ZC3H7A: variants seen among roughly 807,000 people sequenced by gnomAD.
ZC3H7A encodes the protein zinc finger CCCH domain-containing protein 7A.
In ZC3H7A, 44 loss-of-function variants were observed where a neutral mutation model predicts 125.5. That is an observed-to-expected ratio of 0.35 (90% CI 0.28 to 0.45). The LOEUF (loss-of-function observed/expected upper bound fraction) is 0.45, where lower values mean the gene tolerates loss of function less well. Among genes scored for constraint, ZC3H7A ranks in the 20% least tolerant of loss-of-function variants. The pLI, the probability that ZC3H7A is intolerant of heterozygous loss-of-function variation, is 1.00. For synonymous variants in ZC3H7A, 399 were observed against 391.2 expected (o/e 1.02, Z -0.23); for missense variants, 977 against 1,170.7 (o/e 0.83, Z 2.41).
At chr16:11,760,631 C>T (rs1042757657) in intron 19 of ZC3H7A, among the ~76,000 whole-genome samples, 7 of 152,296 alleles carry the variant, frequency 4.6e-5, no homozygotes, top group African/African-American at 1.2e-4. Flanking sequence ...CAAAAGGTTC[C>T]CTCCACATTT....
In ZC3H7A at chr16:11,788,848, G is replaced by A. The variant is rs142247673; in HGVS notation, c.-34-6460C>T. Among the ~76,000 whole-genome samples, 869 of 152,090 alleles carry A rather than the reference G, an allele frequency of 5.7e-3. 8 individuals carry two copies. The highest frequency in any genetic ancestry group is 0.02 in the African/African-American group (822 of 41,510). ...AGGCTGGTCTCGAACTCCTGACCTC[G>A]TGATCTGCCTGCCTCAGCCTCCCAA... On this transcript the variant is annotated intron_variant, in intron 1 of 22. Transcript: ENST00000355758.
At chr16:11,791,043 G>C (rs551451405) in intron 1 of ZC3H7A, among the ~76,000 whole-genome samples, 7 of 151,238 alleles carry the variant, frequency 4.6e-5, no homozygotes, top group African/African-American at 1.7e-4. Flanking sequence ...CTGCACTCCA[G>C]CCTGGGGTAC....
chr16:11,774,459 GA>G lies in ZC3H7A; in HGVS notation c.679del (p.Ser227LeufsTer16). The G allele has an allele frequency of 6.3e-7, 1 of 1,589,444 alleles. No individual in the cohort carries two copies. Among genetic ancestry groups the G allele is most frequent in the Non-Finnish European group, 8.6e-7 (1 of 1,165,496 alleles). ...GGCCAGCTCACTTCCAACTTCATGA[GA>G]AAAACTGGGTGCCGGTAAAGAGACA... The part of the protein sequence containing the change: ...PVVSLPAPSF[S>X]HEVGSELASV... On this transcript the variant is annotated frameshift_variant, in exon 9 of 23. Transcript: ENST00000355758. LOFTEE classifies it high-confidence loss of function.
At chr16:11,784,179 C>A (rs1006162838) in intron 1 of ZC3H7A, among the ~76,000 whole-genome samples, 5 of 151,768 alleles carry the variant, frequency 3.3e-5, no homozygotes, top group African/African-American at 1.2e-4. Flanking sequence ...ACAGTTTAGC[C>A]AAAAGGGGGG....
chr16:11,795,799 G>C (rs1032734017), intron 1 of ZC3H7A, among the ~76,000 whole-genome samples: 2 of 152,098 alleles, frequency 1.3e-5, no homozygotes, highest in Non-Finnish European at 2.9e-5. Context: ...GAAAAGCAGT[G>C]AGATTAACTT....
intron 7 of ZC3H7A, among the ~76,000 whole-genome samples, 162 bp downstream of exon 7, chr16:11,776,158 C>T (rs998150835): frequency 6.6e-6 from 1 of 151,952 alleles, no homozygotes; most frequent in Non-Finnish European, 1.5e-5. Context: ...AAGACTCTGT[C>T]TCAAAAAAAT....
chr16:11,756,169 A>G, intron 21 of ZC3H7A, 68 bp downstream of exon 21: 2 of 1,553,692 alleles, frequency 1.3e-6, no homozygotes, highest in Non-Finnish European at 1.7e-6. Context: ...CTCAAAAAAA[A>G]GAAAAGGGAA....
intron 20 of ZC3H7A, among the ~76,000 whole-genome samples, chr16:11,757,416 G>A (rs952801778): frequency 4.7e-5 from 7 of 149,584 alleles, no homozygotes; most frequent in Admixed American, 1.3e-4. Flanking sequence ...CCCGGGAGGC[G>A]GAGCTTGCAG....
At chr16:11,791,586 G>A (rs1290732883) in intron 1 of ZC3H7A, among the ~76,000 whole-genome samples, 2 of 152,200 alleles carry the variant, frequency 1.3e-5, no homozygotes, top group Non-Finnish European at 2.9e-5. Flanking sequence ...GAAGTAAGCA[G>A]CCCAGTGTAA....
intron 19 of ZC3H7A, chr16:11,759,991 C>G (rs1054038702): frequency 1.3e-5 from 2 of 151,952 alleles, no homozygotes; most frequent in Admixed American, 1.3e-4. Flanking sequence ...TGGTGGCACA[C>G]GCCTGTAATC....
chr16:11,791,088 AACAC>A (rs34972921), intron 1 of ZC3H7A, among the ~76,000 whole-genome samples: 6,325 of 135,986 alleles, frequency 0.047, 143 homozygotes, highest in Middle Eastern at 0.12. Context: ...AAATTTTTAA[AACAC>A]ACACACACAC....
intron 1 of ZC3H7A, 194 bp from the exon 2 acceptor site, chr16:11,782,582 A>C: frequency 2.3e-6 from 1 of 426,638 alleles, no homozygotes; most frequent in Non-Finnish European, 4.2e-6. Flanking sequence ...GCACACCATA[A>C]GCACACCGTT....
intron 4 of ZC3H7A, among the ~76,000 whole-genome samples, chr16:11,777,507 G>A (rs932621457): frequency 2.6e-5 from 4 of 152,098 alleles, no homozygotes; most frequent in Non-Finnish European, 5.9e-5. Context: ...GATCACCTGA[G>A]GTCAGGAGTT....
chr16:11,786,767 G>C (rs2053263292), intron 1 of ZC3H7A, among the ~76,000 whole-genome samples: 1 of 152,114 alleles, frequency 6.6e-6, no homozygotes, highest in Admixed American at 6.6e-5. Context: ...CAAACACACA[G>C]TAAAGTTAAA....
chr16:11,775,181 G>C (rs941105864), intron 7 of ZC3H7A, among the ~76,000 whole-genome samples, 168 bp from the exon 8 acceptor site: 1 of 152,024 alleles, frequency 6.6e-6, no homozygotes, highest in Non-Finnish European at 1.5e-5. Flanking sequence ...GACCAGCCTG[G>C]CCAACATGGT....
intron 19 of ZC3H7A, chr16:11,758,909 G>T: frequency 4.6e-6 from 1 of 216,836 alleles, no homozygotes; most frequent in South Asian, 6.8e-5. Context: ...CTCCACATCA[G>T]CACTTGAAAG....
Position 11,776,334 on chromosome 16 carries a change from C to A in ZC3H7A, c.571G>T (p.Asp191Tyr), listed in dbSNP as rs745535289. 6.2e-7 allele frequency: 1 copy of A among 1,608,314 alleles called. No homozygotes were observed. The highest frequency in any genetic ancestry group is 8.5e-7 in the Non-Finnish European group (1 of 1,178,696). The change falls in exon 7 of 23, where the codon GAT (aspartate) becomes TAT (tyrosine). Residue 191 changes from aspartate to tyrosine, a missense_variant. This residue lies in a region of ZC3H7A where 199 missense variants were observed against 256.1 expected (regional missense o/e 0.78). Transcript: ENST00000355758. ...AELSLKSVPG[D>Y]GATKALNHSV... ...AATAACTTTACCTTGGTAGCCCCAT[C>A]CCCAGGAACTGATTTTAATGAGAGC... is the stretch of plus-strand genomic sequence containing the variant.
intron 1 of ZC3H7A, among the ~76,000 whole-genome samples, chr16:11,790,067 G>C (rs988387633): frequency 5.7e-5 from 7 of 123,294 alleles, no homozygotes; most frequent in African/African-American, 2.2e-4. Flanking sequence ...ACCACAGAGT[G>C]AGACTCCATC....
chr16:11,795,886 TC>T (rs1218108010), intron 1 of ZC3H7A, among the ~76,000 whole-genome samples: 1 of 152,194 alleles, frequency 6.6e-6, no homozygotes, highest in Non-Finnish European at 1.5e-5. Context: ...CACCGAAGCC[TC>T]AATCTCCTGG....
Sources: gnomAD v4.1 joint callset for allele counts (sites outside exome capture counted in the v4.1 genomes callset) on GRCh38, gnomAD v4.1.1 for gene constraint, gnomAD v4.1.1 regional missense constraint, MANE v1.5 for transcripts, NCBI Gene and HGNC (gene_info 2026-07-23, HGNC 2026-07-21) for gene names.